ADGRD1: variants seen among roughly 807,000 people sequenced by gnomAD.
ADGRD1 encodes the protein adhesion G protein-coupled receptor D1.
Under a neutral mutation model 113.4 loss-of-function variants are expected in ADGRD1, and 77 were observed. The observed-to-expected ratio is 0.68, with a 90% CI of 0.57 to 0.82. The LOEUF (loss-of-function observed/expected upper bound fraction) is 0.82, where lower values mean the gene tolerates loss of function less well. Ranked by LOEUF, ADGRD1 falls within the 40% of genes least tolerant of loss-of-function variation. The probability of loss-of-function intolerance (pLI) is 0.00; values close to 1 mark genes in which losing one functional copy is unlikely to be tolerated. For missense variants in ADGRD1, 1,036 were observed against 1,139.1 expected (o/e 0.91, Z 1.30); for synonymous variants, 474 against 475.0 (o/e 1.00, Z 0.03).
intron 14 of ADGRD1, among the ~76,000 whole-genome samples, chr12:131,083,705 G>A (rs554472293): frequency 5.9e-5 from 9 of 152,326 alleles, no homozygotes; most frequent in Admixed American, 2.6e-4. Context: ...ACAGTTAACC[G>A]AGAGCACGTT....
At chr12:131,008,114 C>T (rs555418164) in intron 12 of ADGRD1, among the ~76,000 whole-genome samples, 17 of 152,286 alleles carry the variant, frequency 1.1e-4, no homozygotes, top group African/African-American at 3.9e-4. Context: ...TGAGGATTGC[C>T]AGGAGGACTG....
At chr12:131,000,242 C>G (rs1876184572) in intron 8 of ADGRD1, 141 bp from the exon 9 acceptor site, 1 of 674,254 alleles carries the variant, frequency 1.5e-6, no homozygotes, top group Non-Finnish European at 2.8e-6. Context: ...GTCCATGACT[C>G]AGCTATTTTT....
At chr12:131,021,092 A>G (rs1879257942) in intron 13 of ADGRD1, among the ~76,000 whole-genome samples, 1 of 152,344 alleles carries the variant, frequency 6.6e-6, no homozygotes, top group East Asian at 1.9e-4. Context: ...AGTTACAGAA[A>G]AAAAATGTCA....
chr12:131,014,095 C>T (rs1402074842), intron 12 of ADGRD1, 104 bp from the exon 13 acceptor site: 11 of 1,114,330 alleles, frequency 9.9e-6, no homozygotes, highest in Admixed American at 2.4e-5. Flanking sequence ...AGAAGATTTC[C>T]GTCTCAATAG....
At chr12:131,098,871 G>C (rs1485979166) in intron 15 of ADGRD1, among the ~76,000 whole-genome samples, 1 of 152,244 alleles carries the variant, frequency 6.6e-6, no homozygotes, top group Non-Finnish European at 1.5e-5. Flanking sequence ...GCTTGCTGCT[G>C]TAGCAGGGGC....
intron 13 of ADGRD1, among the ~76,000 whole-genome samples, chr12:131,036,345 C>T (rs923462609): frequency 4.1e-5 from 6 of 147,498 alleles, no homozygotes; most frequent in African/African-American, 1.5e-4. Context: ...ACTCACTGCC[C>T]CAGGCCTTAC....
At position 131,030,253 on chromosome 12, in the gene ADGRD1, CCG is replaced by C. The variant is rs1880543823; in HGVS notation, c.1473+15914_1473+15915del. Among the ~76,000 whole-genome samples, 4 of 151,724 alleles carry C rather than the reference CCG, an allele frequency of 2.6e-5. No individual in the cohort carries two copies. The South Asian group carries it at 8.4e-4, about 32-fold the overall frequency. On this transcript the variant is annotated intron_variant, in intron 13 of 24. Transcript: ENST00000261654. Reference sequence around the variant, plus strand: ...CAGGCTCTGGGGTTAGGTTGTGGACCCGTCGTAGGTGACATTCCCAGGCTCTG... The same window carrying C: ...CAGGCTCTGGGGTTAGGTTGTGGACCTCGTAGGTGACATTCCCAGGCTCTG...
intron 4 of ADGRD1, chr12:130,978,828 G>T (rs1321572391): frequency 6.6e-6 from 1 of 152,226 alleles, no homozygotes; most frequent in Non-Finnish European, 1.5e-5. Context: ...TAACTTCCAT[G>T]AATCCTACTG....
intron 13 of ADGRD1, among the ~76,000 whole-genome samples, chr12:131,021,994 G>A (rs777074684): frequency 1.1e-4 from 16 of 152,126 alleles, no homozygotes; most frequent in South Asian, 2.1e-4. Context: ...ATGAGCCACC[G>A]CGCTCGGCCC....
At chr12:131,033,738 AG>A (rs1881064693) in intron 13 of ADGRD1, among the ~76,000 whole-genome samples, 1 of 152,156 alleles carries the variant, frequency 6.6e-6, no homozygotes, top group Non-Finnish European at 1.5e-5. Flanking sequence ...TCCCTGGAGC[AG>A]GTGCCCAACC....
chr12:131,052,561 C>T (rs539901938), intron 13 of ADGRD1, among the ~76,000 whole-genome samples: 4 of 152,132 alleles, frequency 2.6e-5, no homozygotes, highest in African/African-American at 7.2e-5. Flanking sequence ...AGGGCTGGCA[C>T]GGTCTGCTTT....
chr12:131,032,757 G>T (rs12811261), intron 13 of ADGRD1, among the ~76,000 whole-genome samples: 1 of 97,886 alleles, frequency 1.0e-5, no homozygotes. Flanking sequence ...CGTCACAGAG[G>T]TGACGCTTAT....
rs540904874 is a variant in ADGRD1, at chr12:131,006,263, C to T, written c.1331+216C>T. The stretch of plus-strand genomic sequence containing the variant: ...GCTGGTGGAGTGGAGGTCAGGAGCA[C>T]GGGCCAGAAGACCCTACCCACCCGC... On this transcript the variant is annotated intron_variant, in intron 12 of 24. Transcript: ENST00000261654. 2.4e-4 allele frequency among the ~76,000 whole-genome samples: 36 copies of T among 152,344 alleles called. No individual in the cohort carries two copies. The South Asian group carries it at 5.8e-3, about 25-fold the overall frequency.
intron 13 of ADGRD1, among the ~76,000 whole-genome samples, chr12:131,044,710 C>T (rs767026154): frequency 5.9e-5 from 9 of 152,320 alleles, no homozygotes; most frequent in Admixed American, 1.3e-4. Flanking sequence ...GATTTGCACC[C>T]ATTGGAAAGC....
chr12:131,128,100 T>C (rs1355179196), intron 20 of ADGRD1, among the ~76,000 whole-genome samples: 2 of 143,770 alleles, frequency 1.4e-5, no homozygotes, highest in East Asian at 4.3e-4. Flanking sequence ...TTGGTTGTGA[T>C]GGGATTCTGA....
intron 13 of ADGRD1, among the ~76,000 whole-genome samples, chr12:131,076,244 A>G (rs557548667): frequency 3.7e-4 from 57 of 152,342 alleles, no homozygotes; most frequent in African/African-American, 1.3e-3. Context: ...CAGAAGCTCT[A>G]TCCTTTCTGT....
Position 131,062,273 on chromosome 12 carries a change from G to A in ADGRD1, c.1474-14528G>A, listed in dbSNP as rs182674360. 4.4e-4 allele frequency among the ~76,000 whole-genome samples: 67 copies of A among 152,304 alleles called. 3 individuals are homozygous for A. Among genetic ancestry groups the A allele is most frequent in the Admixed American group, 2.6e-4 (4 of 15,296 alleles). The stretch of plus-strand genomic sequence containing the variant: ...CTCCCAAAGTGCTGGGATTATAGGC[G>A]TGAGCCACCGCGCCTGACCAAACCA... On this transcript the variant is annotated intron_variant, in intron 13 of 24. Coordinates refer to ENST00000261654, the MANE Select transcript of ADGRD1 (RefSeq NM_198827.5).
At chr12:130,969,296 C>T (rs1016401376) in intron 3 of ADGRD1, 1 of 501,008 alleles carries the variant, frequency 2.0e-6, no homozygotes, top group Non-Finnish European at 3.6e-6. Flanking sequence ...AGTCCCTGGG[C>T]CACAGACTGG....
intron 13 of ADGRD1, among the ~76,000 whole-genome samples, chr12:131,021,227 C>T (rs1030697463): frequency 6.6e-6 from 1 of 152,190 alleles, no homozygotes; most frequent in Middle Eastern, 3.4e-3. Context: ...TAACGACAGA[C>T]GTTTTTTGAA....
Sources: gnomAD v4.1 joint callset for allele counts (sites outside exome capture counted in the v4.1 genomes callset) on GRCh38, gnomAD v4.1.1 for gene constraint, MANE v1.5 for transcripts, NCBI Gene and HGNC (gene_info 2026-07-23, HGNC 2026-07-21) for gene names.